The following PCDH9 variants were observed in gnomAD, a reference collection of about 807,000 sequenced individuals.
PCDH9 encodes the protein protocadherin 9.
In PCDH9, 24 loss-of-function variants were observed where a neutral mutation model predicts 70.6. That is an observed-to-expected ratio of 0.34 (90% CI 0.25 to 0.48). PCDH9 has a LOEUF of 0.48. Among genes scored for constraint, PCDH9 ranks in the 20% least tolerant of loss-of-function variants. PCDH9 has a pLI of 0.99. For synonymous variants in PCDH9, 562 were observed against 558.5 expected (o/e 1.01, Z -0.09); for missense variants, 1,281 against 1,503.6 (o/e 0.85, Z 2.45).
intron 3 of PCDH9, among the ~76,000 whole-genome samples, chr13:66,655,824 A>G (rs1322020662): frequency 1.3e-5 from 2 of 152,218 alleles, no homozygotes; most frequent in African/African-American, 4.8e-5. Context: ...TTCATATTAC[A>G]GTGATTAATC....
At chr13:66,432,289 A>G (rs1217741608) in intron 4 of PCDH9, among the ~76,000 whole-genome samples, 1 of 152,018 alleles carries the variant, frequency 6.6e-6, no homozygotes, top group African/African-American at 2.4e-5. Flanking sequence ...CAATAGAAGA[A>G]TATCAGAGAA....
intron 4 of PCDH9, among the ~76,000 whole-genome samples, chr13:66,607,441 G>A (rs1030939686): frequency 1.3e-5 from 2 of 151,934 alleles, no homozygotes; most frequent in African/African-American, 2.4e-5. Context: ...ACATGTTGTG[G>A]TAATTACAGT....
chr13:67,181,006 A>T (rs1177262157), intron 2 of PCDH9, among the ~76,000 whole-genome samples: 2 of 152,214 alleles, frequency 1.3e-5, no homozygotes, highest in East Asian at 3.8e-4. Context: ...AGGCTAATAT[A>T]ACTGTGATTT....
chr13:66,975,968 G>A (rs550444654), intron 2 of PCDH9, among the ~76,000 whole-genome samples: 12 of 152,020 alleles, frequency 7.9e-5, no homozygotes, highest in Non-Finnish European at 1.8e-4. Flanking sequence ...ACAGAAAACA[G>A]TCTATAAGAG....
At chr13:67,032,417 G>T (rs111282385) in intron 2 of PCDH9, among the ~76,000 whole-genome samples, 2 of 152,086 alleles carry the variant, frequency 1.3e-5, no homozygotes, top group African/African-American at 4.8e-5. Context: ...GCCATCCTAG[G>T]CCTCCCAAAG....
At chr13:66,648,628 A>G (rs2138984070) in intron 3 of PCDH9, among the ~76,000 whole-genome samples, 1 of 152,298 alleles carries the variant, frequency 6.6e-6, no homozygotes, top group Middle Eastern at 3.4e-3. Flanking sequence ...CCAGACTGTG[A>G]AGACTGCAAT....
intron 2 of PCDH9, among the ~76,000 whole-genome samples, chr13:67,190,441 C>A (rs924130781): frequency 6.9e-6 from 1 of 144,892 alleles, no homozygotes; most frequent in African/African-American, 2.5e-5. Flanking sequence ...ACTTTGATAT[C>A]TTAAATTAAG....
intron 2 of PCDH9, among the ~76,000 whole-genome samples, chr13:67,111,041 A>G (rs1206629936): frequency 6.6e-6 from 1 of 152,244 alleles, no homozygotes; most frequent in Non-Finnish European, 1.5e-5. Flanking sequence ...ATTAAAAAAC[A>G]GCTTGATCTA....
At chr13:66,819,767 C>G (rs905575629) in intron 3 of PCDH9, among the ~76,000 whole-genome samples, 1 of 152,012 alleles carries the variant, frequency 6.6e-6, no homozygotes, top group African/African-American at 2.4e-5. Context: ...ATGGTGGCAC[C>G]TGCCTCTGGT....
intron 2 of PCDH9, among the ~76,000 whole-genome samples, chr13:67,179,541 A>G (rs1006449047): frequency 1.3e-5 from 2 of 152,112 alleles, no homozygotes; most frequent in African/African-American, 4.8e-5. Context: ...ACTATATCCT[A>G]ACAAACCAGG....
At chr13:66,671,093 T>G (rs958741203) in intron 3 of PCDH9, among the ~76,000 whole-genome samples, 1 of 152,040 alleles carries the variant, frequency 6.6e-6, no homozygotes, top group African/African-American at 2.4e-5. Context: ...TCAAGAGATT[T>G]GATGGTTTTA....
chr13:66,378,429 C>CTG (rs1398086169), intron 4 of PCDH9, among the ~76,000 whole-genome samples: 1 of 152,108 alleles, frequency 6.6e-6, no homozygotes, highest in African/African-American at 2.4e-5. Flanking sequence ...AATAATCTCT[C>CTG]TGTGTGTGTA....
chr13:67,058,135 T>C (rs978081782), intron 2 of PCDH9, among the ~76,000 whole-genome samples: 1 of 152,174 alleles, frequency 6.6e-6, no homozygotes, highest in Admixed American at 6.6e-5. Context: ...ATGTTTGCTA[T>C]GTTATTGGAA....
intron 4 of PCDH9, among the ~76,000 whole-genome samples, chr13:66,555,428 A>AG (rs1961690871): frequency 6.6e-6 from 1 of 150,952 alleles, no homozygotes. Flanking sequence ...GGAAAAAAAA[A>AG]AAAAGCAATA....
chr13:66,720,838 A>T (rs2078932961), intron 3 of PCDH9, among the ~76,000 whole-genome samples: 1 of 152,188 alleles, frequency 6.6e-6, no homozygotes, highest in Non-Finnish European at 1.5e-5. Context: ...TAATTAAAGA[A>T]TATAATAGGA....
chr13:67,080,033 A>G (rs1747908987), intron 2 of PCDH9, among the ~76,000 whole-genome samples: 1 of 152,120 alleles, frequency 6.6e-6, no homozygotes, highest in Admixed American at 6.6e-5. Context: ...AATGATTTAG[A>G]TTTTCCTGCA....
chr13:66,521,999 C>T (rs929727050), intron 4 of PCDH9, among the ~76,000 whole-genome samples: 1 of 147,276 alleles, frequency 6.8e-6, no homozygotes, highest in East Asian at 2.0e-4. Flanking sequence ...CAAAGTGAGA[C>T]CCTGTCTCAA....
At chr13:66,688,564 T>C (rs2078437719) in intron 3 of PCDH9, among the ~76,000 whole-genome samples, 1 of 152,170 alleles carries the variant, frequency 6.6e-6, no homozygotes, top group Non-Finnish European at 1.5e-5. Context: ...TATTAATAGA[T>C]GTAAGTATTG....
intron 3 of PCDH9, among the ~76,000 whole-genome samples, chr13:66,798,193 T>G (rs2080274461): frequency 6.6e-6 from 1 of 152,168 alleles, no homozygotes; most frequent in Non-Finnish European, 1.5e-5. Context: ...AATACAATCC[T>G]ATGAAATGTA....
Sources: gnomAD v4.1 joint callset for allele counts (sites outside exome capture counted in the v4.1 genomes callset) on GRCh38, gnomAD v4.1.1 for gene constraint, MANE v1.5 for transcripts, NCBI Gene and HGNC (gene_info 2026-07-23, HGNC 2026-07-21) for gene names.